RAPGEF4: variants seen among roughly 807,000 people sequenced by gnomAD.
RAPGEF4 encodes Rap guanine nucleotide exchange factor 4.
Under a neutral mutation model 147.9 loss-of-function variants are expected in RAPGEF4, and 66 were observed. The observed-to-expected ratio is 0.45, with a 90% CI of 0.37 to 0.55. The LOEUF (loss-of-function observed/expected upper bound fraction) is 0.55, where lower values mean the gene tolerates loss of function less well. Ranked by LOEUF, RAPGEF4 falls within the 20% of genes least tolerant of loss-of-function variation. RAPGEF4 has a pLI of 0.00. For synonymous variants in RAPGEF4, 419 were observed against 442.7 expected, an observed-to-expected ratio of 0.95 and a Z score of 0.67; for missense variants, 1,071 against 1,257.3, an observed-to-expected ratio of 0.85 and a Z score of 2.24.
chr2:172,805,947 A>C (rs13416723), intron 3 of RAPGEF4, among the ~76,000 whole-genome samples: 2 of 151,980 alleles, frequency 1.3e-5, no homozygotes, highest in Non-Finnish European at 2.9e-5. Flanking sequence ...ACAAGTTATA[A>C]GCAATAAATA....
At chr2:172,771,324 C>G (rs933656910) in intron 1 of RAPGEF4, among the ~76,000 whole-genome samples, 1 of 151,846 alleles carries the variant, frequency 6.6e-6, no homozygotes, top group Non-Finnish European at 1.5e-5. Context: ...TCCCAAAGCC[C>G]TACCTCCTAA....
chr2:173,021,337 C>T (rs1696064910), intron 23 of RAPGEF4, among the ~76,000 whole-genome samples: 2 of 152,158 alleles, frequency 1.3e-5, no homozygotes, highest in South Asian at 4.1e-4. Flanking sequence ...AGGTGAGTAG[C>T]TAGTAACATA....
chr2:173,050,912 G>A (rs918437747), intron 30 of RAPGEF4, among the ~76,000 whole-genome samples: 1 of 152,106 alleles, frequency 6.6e-6, no homozygotes, highest in African/African-American at 2.4e-5. Flanking sequence ...TGTTCCCTGC[G>A]AGGGCTGAGT....
At chr2:172,861,877 G>A (rs775853542) in intron 4 of RAPGEF4, among the ~76,000 whole-genome samples, 4 of 152,324 alleles carry the variant, frequency 2.6e-5, no homozygotes, top group East Asian at 1.9e-4. Flanking sequence ...GCTCTGTCAA[G>A]TTTGGCCTCT....
At chr2:172,790,092 T>A (rs985735220) in intron 1 of RAPGEF4, among the ~76,000 whole-genome samples, 1 of 152,182 alleles carries the variant, frequency 6.6e-6, no homozygotes, top group Non-Finnish European at 1.5e-5. Flanking sequence ...GTGTGCAAAG[T>A]TTCCAGTTTC....
chr2:172,883,889 T>C (rs1696891863), intron 4 of RAPGEF4, among the ~76,000 whole-genome samples: 1 of 152,184 alleles, frequency 6.6e-6, no homozygotes, highest in Non-Finnish European at 1.5e-5. Context: ...TTACCTTGCA[T>C]TTAGGTTAGT....
intron 6 of RAPGEF4, among the ~76,000 whole-genome samples, chr2:172,936,375 A>G (rs1354925443): frequency 6.6e-6 from 1 of 152,182 alleles, no homozygotes; most frequent in African/African-American, 2.4e-5. Flanking sequence ...CCTGCCCAAA[A>G]AAACTTCTGT....
intron 4 of RAPGEF4, chr2:172,917,407 C>T: frequency 2.0e-6 from 1 of 494,194 alleles, no homozygotes; most frequent in Non-Finnish European, 4.0e-6. Flanking sequence ...TGCCATTCAC[C>T]TATTAAGTAG....
At chr2:172,922,231 G>A (rs370455406) in intron 5 of RAPGEF4, 50 bp from the exon 6 acceptor site, 53 of 1,570,670 alleles carry the variant, frequency 3.4e-5, no homozygotes, top group African/African-American at 2.3e-4. Context: ...CCACTTTACC[G>A]GTTGATTATA....
In RAPGEF4 at chr2:173,033,971, G is replaced by T; in HGVS notation, c.2700+7G>T. 1 of 1,609,992 alleles carries T rather than the reference G, an allele frequency of 6.2e-7. No individual in the cohort carries two copies. Among genetic ancestry groups the T allele is most frequent in the Non-Finnish European group, 8.5e-7 (1 of 1,178,212 alleles). ...GGAGTTTGAAAGTTTAATGGTAAGT[G>T]ACAGTGGCTTCTTTATTCTGTTCAC... On this transcript the variant is annotated splice_region_variant and intron_variant, in intron 27 of 30. Coordinates refer to ENST00000397081, the MANE Select transcript of RAPGEF4 (RefSeq NM_007023.4).
chr2:172,992,755 G>T (rs145922078), intron 15 of RAPGEF4, among the ~76,000 whole-genome samples: 3 of 151,978 alleles, frequency 2.0e-5, no homozygotes, highest in Non-Finnish European at 4.4e-5. Context: ...AATTTCTTCC[G>T]CAATTCAAAA....
intron 17 of RAPGEF4, among the ~76,000 whole-genome samples, chr2:173,010,549 T>C (rs1388874699): frequency 2.0e-5 from 3 of 152,236 alleles, no homozygotes; most frequent in Non-Finnish European, 2.9e-5. Context: ...TCTTTTTAGA[T>C]TGCACTTTTG....
chr2:172,881,714 G>A (rs930818705), intron 4 of RAPGEF4, among the ~76,000 whole-genome samples: 2 of 152,198 alleles, frequency 1.3e-5, no homozygotes, highest in Admixed American at 1.3e-4. Context: ...CAGTGAAAGT[G>A]CTAACATTTT....
chr2:172,832,019 G>A lies in RAPGEF4; in HGVS notation c.444+17594G>A, dbSNP rs141854436. 2.0e-5 allele frequency among the ~76,000 whole-genome samples: 3 copies of A among 152,266 alleles called. No individual in the cohort carries two copies. In the East Asian group the frequency reaches 5.8e-4, roughly 29 times the overall value. Reference sequence around the variant, plus strand: ...TGTTTTAATCTGGCATATTATTCTTGCTTAATTTCATTGTGCTGACTATGG... The same window carrying A: ...TGTTTTAATCTGGCATATTATTCTTACTTAATTTCATTGTGCTGACTATGG... On this transcript the variant is annotated intron_variant, in intron 4 of 30. Transcript: ENST00000397081.
intron 8 of RAPGEF4, among the ~76,000 whole-genome samples, chr2:172,963,792 C>T (rs1410933376): frequency 6.6e-6 from 1 of 152,166 alleles, no homozygotes; most frequent in Non-Finnish European, 1.5e-5. Flanking sequence ...ATATTATTGC[C>T]ACAGTATTCG....
At chr2:173,048,509 C>A in intron 29 of RAPGEF4, 91 bp from the exon 30 acceptor site, 1 of 1,564,918 alleles carries the variant, frequency 6.4e-7, no homozygotes, top group South Asian at 1.2e-5. Context: ...CTCATGGTAC[C>A]AAGTATTGCA....
intron 4 of RAPGEF4, among the ~76,000 whole-genome samples, chr2:172,884,444 C>T (rs1271942492): frequency 6.6e-6 from 1 of 152,180 alleles, no homozygotes; most frequent in East Asian, 1.9e-4. Context: ...ACTGAATTTG[C>T]CAGAAGATTC....
intron 14 of RAPGEF4, among the ~76,000 whole-genome samples, chr2:172,990,529 G>A (rs1188539236): frequency 6.6e-6 from 1 of 152,140 alleles, no homozygotes; most frequent in East Asian, 1.9e-4. Flanking sequence ...CCACCTTCCT[G>A]CTCTACTTCC....
At position 172,925,678 on chromosome 2, in the gene RAPGEF4, G is replaced by C. The variant is rs1490514236; in HGVS notation, c.537+3378G>C. On this transcript the variant is annotated intron_variant, in intron 6 of 30. Coordinates refer to ENST00000397081, the MANE Select transcript of RAPGEF4 (RefSeq NM_007023.4). ...AGATCAGTTGAGCCTGGGAAGTTGA[G>C]GCTACAGTGAGCCATAATTGTATCA... is the stretch of plus-strand genomic sequence containing the variant. Among the ~76,000 whole-genome samples the C allele has an allele frequency of 2.0e-5, 3 of 151,602 alleles. No individual in the cohort carries two copies. The East Asian group carries it at 5.8e-4, about 30-fold the overall frequency.
Sources: allele counts gnomAD v4.1 joint callset (sites outside exome capture counted in the v4.1 genomes callset), GRCh38; gene constraint gnomAD v4.1.1; transcripts MANE v1.5; gene names NCBI Gene and HGNC (gene_info 2026-07-23, HGNC 2026-07-21).